Variants in WDR7 observed in about 807,000 individuals in gnomAD.
WDR7 encodes WD repeat domain 7.
A neutral mutation model predicts 169.4 loss-of-function variants in WDR7; 46 were observed. The ratio of observed to expected loss-of-function variants is 0.27; its 90% CI spans 0.21 to 0.35. The LOEUF is 0.35. WDR7 is among the 10% of genes least tolerant of loss of function. WDR7 has a pLI of 1.00. For synonymous variants in WDR7, 612 were observed against 666.8 expected, an observed-to-expected ratio of 0.92 and a Z score of 1.27; for missense variants, 1,534 against 1,859.3, an observed-to-expected ratio of 0.83 and a Z score of 3.22.
intron 21 of WDR7, among the ~76,000 whole-genome samples, chr18:56,884,270 T>C (rs1790507114): frequency 6.6e-6 from 1 of 152,236 alleles, no homozygotes; most frequent in Admixed American, 6.5e-5. Flanking sequence ...TGTTGACCAT[T>C]TTTTTCATAT....
chr18:56,708,020 G>C (rs2025998523), intron 12 of WDR7, among the ~76,000 whole-genome samples: 1 of 149,782 alleles, frequency 6.7e-6, no homozygotes, highest in Non-Finnish European at 1.5e-5. Context: ...TGTGAATTCA[G>C]TGTTTATTCC....
chr18:56,921,634 G>C (rs1477402802), intron 21 of WDR7, among the ~76,000 whole-genome samples: 3 of 152,182 alleles, frequency 2.0e-5, no homozygotes, highest in African/African-American at 7.2e-5. Context: ...GGCCCTTGTA[G>C]AGCCAGGGTC....
chr18:56,755,658 T>G (rs2043874128), intron 14 of WDR7, among the ~76,000 whole-genome samples: 1 of 152,200 alleles, frequency 6.6e-6, no homozygotes, highest in Non-Finnish European at 1.5e-5. Flanking sequence ...TTGAAACTCC[T>G]TTAGGAGACT....
intron 26 of WDR7, among the ~76,000 whole-genome samples, chr18:56,986,731 TAAA>T (rs11333826): frequency 1.4e-5 from 2 of 148,120 alleles, no homozygotes; most frequent in Non-Finnish European, 3.0e-5. Flanking sequence ...CGGGGGAAAA[TAAA>T]AAAAAAATAA....
At chr18:56,795,756 ATTTG>A (rs760786900) in intron 19 of WDR7, among the ~76,000 whole-genome samples, 15 of 151,968 alleles carry the variant, frequency 9.9e-5, no homozygotes, top group African/African-American at 2.9e-4. Flanking sequence ...GTTTGATTTT[ATTTG>A]TTTGTTTGCT....
chr18:56,740,343 T>C (rs1300799148), intron 14 of WDR7, among the ~76,000 whole-genome samples: 3 of 152,202 alleles, frequency 2.0e-5, no homozygotes, highest in African/African-American at 7.2e-5. Context: ...ATATTAATCC[T>C]AATTTTCTTA....
intron 26 of WDR7, among the ~76,000 whole-genome samples, chr18:56,965,916 T>G (rs1310251739): frequency 2.0e-5 from 3 of 152,182 alleles, no homozygotes; most frequent in Non-Finnish European, 4.4e-5. Flanking sequence ...TTAATATAAT[T>G]AACTTTGTAT....
At chr18:56,749,215 A>C (rs556219285) in intron 14 of WDR7, among the ~76,000 whole-genome samples, 1 of 152,212 alleles carries the variant, frequency 6.6e-6, no homozygotes, top group South Asian at 2.1e-4. Flanking sequence ...CTGCCAAAAT[A>C]TTATTAGGCA....
intron 20 of WDR7, among the ~76,000 whole-genome samples, chr18:56,873,180 T>TA (rs1217875882): frequency 6.6e-6 from 1 of 152,206 alleles, no homozygotes; most frequent in Non-Finnish European, 1.5e-5. Flanking sequence ...TGAATACTGA[T>TA]AAAAATTACA....
intron 26 of WDR7, among the ~76,000 whole-genome samples, chr18:57,009,491 C>A (rs2048109012): frequency 6.6e-6 from 1 of 151,478 alleles, no homozygotes; most frequent in Non-Finnish European, 1.5e-5. Flanking sequence ...TAATGCAGAA[C>A]AACATACAAC....
chr18:56,872,753 A>G (rs2045970668), intron 20 of WDR7: 2 of 152,286 alleles, frequency 1.3e-5, no homozygotes, highest in Admixed American at 6.5e-5. Flanking sequence ...TGTCAAGAAA[A>G]TGGATCTCCA....
intron 20 of WDR7, among the ~76,000 whole-genome samples, chr18:56,818,829 T>C (rs7242097): frequency 0.15 from 23,553 of 152,190 alleles, 2,626 homozygotes; most frequent in African/African-American, 0.32. Flanking sequence ...GAAAGCTGGC[T>C]AGTGCAGCCA....
intron 26 of WDR7, among the ~76,000 whole-genome samples, chr18:56,997,363 C>G (rs1203007484): frequency 6.6e-6 from 1 of 152,120 alleles, no homozygotes; most frequent in Non-Finnish European, 1.5e-5. Flanking sequence ...CTTGAATTTC[C>G]CCATGGGTCA....
In WDR7 at chr18:56,931,014, G is replaced by A. The variant is rs373956928; in HGVS notation, c.3714-4774G>A. 2.1e-4 allele frequency among the ~76,000 whole-genome samples: 32 copies of A among 152,274 alleles called. No homozygotes were observed. The East Asian group carries it at 5.0e-3, about 24-fold the overall frequency. On this transcript the variant is annotated intron_variant, in intron 22 of 27. Coordinates refer to ENST00000254442, the MANE Select transcript of WDR7 (RefSeq NM_015285.3). ...TCTGTGAAGGGGGAGCTCAGGCTGC[G>A]TGGACTATTTTTCCATTCATATTTT...
chr18:57,017,315 G>C (rs1401190242), intron 26 of WDR7, among the ~76,000 whole-genome samples: 3 of 152,202 alleles, frequency 2.0e-5, no homozygotes, highest in Non-Finnish European at 4.4e-5. Context: ...GCTCTTACGA[G>C]ACAGCAGGTC....
At chr18:56,759,170 T>G (rs2043944850) in intron 16 of WDR7, among the ~76,000 whole-genome samples, 1 of 152,222 alleles carries the variant, frequency 6.6e-6, no homozygotes, top group African/African-American at 2.4e-5. Flanking sequence ...CAGATAATTT[T>G]ATTATACTGT....
chr18:56,755,671 T>C (rs1274494545), intron 14 of WDR7, among the ~76,000 whole-genome samples: 2 of 152,182 alleles, frequency 1.3e-5, no homozygotes, highest in African/African-American at 4.8e-5. Flanking sequence ...AGGAGACTGG[T>C]CTGGCTGATG....
chr18:56,935,448 A>C (rs116340139), intron 22 of WDR7, among the ~76,000 whole-genome samples: 1 of 152,232 alleles, frequency 6.6e-6, no homozygotes, highest in African/African-American at 2.4e-5. Flanking sequence ...TTTTTAGGAA[A>C]AATTTGAAAA....
At chr18:57,021,430 T>A (rs539551098) in intron 27 of WDR7, among the ~76,000 whole-genome samples, 45 of 152,348 alleles carry the variant, frequency 3.0e-4, no homozygotes, top group African/African-American at 1.0e-3. Flanking sequence ...TAAGGTGTTT[T>A]CCTAGTGTTC....
Sources: allele counts gnomAD v4.1 joint callset (sites outside exome capture counted in the v4.1 genomes callset), GRCh38; gene constraint gnomAD v4.1.1; transcripts MANE v1.5; gene names NCBI Gene and HGNC (gene_info 2026-07-23, HGNC 2026-07-21).